RSPH14: variants seen among roughly 807,000 people sequenced by gnomAD.
RSPH14 encodes the protein rhabdoid tumor deletion region gene 1.
A neutral mutation model predicts 26.7 loss-of-function variants in RSPH14; 20 were observed. That is an observed-to-expected ratio of 0.75 (90% CI 0.53 to 1.09). The LOEUF (loss-of-function observed/expected upper bound fraction) is 1.09. Among genes scored for constraint, RSPH14 ranks in the 50% least tolerant of loss-of-function variants. The pLI, the probability that RSPH14 is intolerant of heterozygous loss-of-function variation, is 0.00. For synonymous variants in RSPH14, 177 were observed against 189.3 expected (o/e 0.93, Z 0.53); for missense variants, 449 against 457.2 (o/e 0.98, Z 0.16).
chr22:23,180,578 G>C, the RSPH14 span: 2 of 38,586 alleles, frequency 5.2e-5, no homozygotes, highest in Non-Finnish European at 6.8e-5. Context: ...GGAGGCGGCG[G>C]CGGCGGCGGC....
At chr22:23,112,386 C>T (rs2069680923) in intron 4 of RSPH14, among the ~76,000 whole-genome samples, 2 of 152,300 alleles carry the variant, frequency 1.3e-5, no homozygotes, top group East Asian at 1.9e-4. Context: ...GTGGGAGGTC[C>T]AGGGACCTGG....
At chr22:23,176,277 G>C in the RSPH14 span, among the ~76,000 whole-genome samples, 7 of 152,342 alleles carry the variant, frequency 4.6e-5, no homozygotes, top group East Asian at 5.8e-4. Context: ...GAGAAGCTGA[G>C]GCAGGGCTTG....
chr22:23,098,220 C>G (rs1205375565), intron 4 of RSPH14, among the ~76,000 whole-genome samples: 3 of 152,260 alleles, frequency 2.0e-5, no homozygotes, highest in Non-Finnish European at 4.4e-5. Context: ...CAGTACTGCT[C>G]TGTCCAGCCT....
chr22:23,162,825 T>C, the RSPH14 span: 16 of 442,166 alleles, frequency 3.6e-5, no homozygotes, highest in Non-Finnish European at 7.4e-5. Context: ...AGCTCAGCGA[T>C]TGCCAAATAC....
chr22:23,112,435 G>A (rs2069682050), intron 4 of RSPH14, among the ~76,000 whole-genome samples: 1 of 152,182 alleles, frequency 6.6e-6, no homozygotes, highest in African/African-American at 2.4e-5. Flanking sequence ...TGGTTGAAGA[G>A]GTGCGGGGAG....
intron 4 of RSPH14, among the ~76,000 whole-genome samples, chr22:23,086,566 C>T (rs1009520602): frequency 2.6e-5 from 4 of 152,210 alleles, no homozygotes; most frequent in Non-Finnish European, 5.9e-5. Context: ...CACAGCAGAG[C>T]CACAGCTGGG....
chr22:23,086,042 T>G (rs1257456436), intron 4 of RSPH14, among the ~76,000 whole-genome samples: 1 of 152,252 alleles, frequency 6.6e-6, no homozygotes, highest in Non-Finnish European at 1.5e-5. Context: ...CAGAAGCGGT[T>G]CCTCTACACT....
chr22:23,071,135 G>A lies in RSPH14; in HGVS notation c.422-7002C>T, dbSNP rs1346117547. On this transcript the variant is annotated intron_variant, in intron 4 of 6. Transcript: ENST00000216036. This position sits in a 1 kb window ranked among gnomAD's most constrained non-coding sequence, Gnocchi z 4.1. ...CGAGCAGGTTCCTCACAGGCATTTA[G>A]AGGAAGAGATGAGTATCGACCTGCT... Among the ~76,000 whole-genome samples the A allele has an allele frequency of 6.6e-6, 1 of 152,226 alleles. No homozygotes were observed. Among genetic ancestry groups the A allele is most frequent in the East Asian group, 1.9e-4 (1 of 5,186 alleles).
the RSPH14 span, among the ~76,000 whole-genome samples, chr22:23,173,003 A>G: frequency 2.0e-4 from 1 of 5,076 alleles, no homozygotes; most frequent in Non-Finnish European, 3.2e-4. Flanking sequence ...TAGCCTTTTC[A>G]GAATAGTGTC....
At chr22:23,074,625 G>A (rs1166524219) in intron 4 of RSPH14, among the ~76,000 whole-genome samples, 1 of 152,192 alleles carries the variant, frequency 6.6e-6, no homozygotes, top group African/African-American at 2.4e-5. Context: ...TCAAGGGTAG[G>A]TAGGATCAGA....
chr22:23,130,221 C>T (rs1291046006), intron 4 of RSPH14, among the ~76,000 whole-genome samples: 2 of 149,766 alleles, frequency 1.3e-5, no homozygotes, highest in East Asian at 2.0e-4. Flanking sequence ...TTTGGGAGGC[C>T]GAGGCAGGCG....
At chr22:23,146,382 G>T (rs9612243), upstream of RSPH14, among the ~76,000 whole-genome samples, 93,489 of 151,022 alleles carry the variant, frequency 0.62, 29,398 homozygotes, top group East Asian at 0.96. Context: ...AATTTTTTTG[G>T]TTTTTTTTTG....
the RSPH14 span, among the ~76,000 whole-genome samples, chr22:23,155,707 C>T: frequency 1.8e-3 from 277 of 152,346 alleles, 3 homozygotes; most frequent in African/African-American, 6.5e-3. Context: ...GCTGCAACTC[C>T]ATCCATCCAG....
At chr22:23,093,444 T>C (rs1032386344) in intron 4 of RSPH14, among the ~76,000 whole-genome samples, 1 of 152,128 alleles carries the variant, frequency 6.6e-6, no homozygotes, top group African/African-American at 2.4e-5. Flanking sequence ...GGACGGGCCC[T>C]CCTCACCCGC....
the RSPH14 span, among the ~76,000 whole-genome samples, chr22:23,166,146 T>TA: frequency 6.1e-5 from 5 of 82,166 alleles, no homozygotes; most frequent in East Asian, 1.3e-3. Flanking sequence ...ACTCTGTCTT[T>TA]TAAAAAAAAA....
At chr22:23,144,350 G>A (rs1176782291), upstream of RSPH14, among the ~76,000 whole-genome samples, 2 of 152,236 alleles carry the variant, frequency 1.3e-5, no homozygotes, top group East Asian at 3.9e-4. Context: ...GCATATACCA[G>A]GAAGCTTTCA....
At chr22:23,091,677 TG>T (rs780571658) in intron 4 of RSPH14, among the ~76,000 whole-genome samples, 268 of 150,416 alleles carry the variant, frequency 1.8e-3, no homozygotes, top group Admixed American at 3.8e-3. Context: ...CACACCACAG[TG>T]GACCTGCATA....
At chr22:23,119,317 C>T (rs2146391030) in intron 4 of RSPH14, among the ~76,000 whole-genome samples, 1 of 152,380 alleles carries the variant, frequency 6.6e-6, no homozygotes, top group South Asian at 2.1e-4. Context: ...GCCTCCTCTG[C>T]AGTTGATCTT....
chr22:23,161,103 G>T, the RSPH14 span: 2 of 1,376,214 alleles, frequency 1.5e-6, no homozygotes, highest in Admixed American at 2.3e-5. Flanking sequence ...TGAACTTGTG[G>T]CCCTCTCCTG....
Sources: gnomAD v4.1 joint callset for allele counts (sites outside exome capture counted in the v4.1 genomes callset) on GRCh38, gnomAD v4.1.1 for gene constraint, Gnocchi (gnomAD v3.1) non-coding constraint, MANE v1.5 for transcripts, NCBI Gene and HGNC (gene_info 2026-07-23, HGNC 2026-07-21) for gene names.